SV2C: variants seen among roughly 807,000 people sequenced by gnomAD.
SV2C encodes the protein synaptic vesicle glycoprotein 2C.
Under a neutral mutation model 79.7 loss-of-function variants are expected in SV2C, and 49 were observed. The ratio of observed to expected loss-of-function variants is 0.61; its 90% CI spans 0.49 to 0.78. SV2C has a LOEUF of 0.78. SV2C is among the 30% of genes least tolerant of loss of function. The pLI is 0.00. For missense variants in SV2C, 833 were observed against 912.9 expected, an observed-to-expected ratio of 0.91 and a Z score of 1.13; for synonymous variants, 334 against 333.2, an observed-to-expected ratio of 1.00 and a Z score of -0.03.
the SV2C span, among the ~76,000 whole-genome samples, chr5:76,052,929 A>T: frequency 6.6e-6 from 1 of 151,232 alleles, no homozygotes; most frequent in South Asian, 2.1e-4. Context: ...TTATGTTAAC[A>T]TTCAAATATT....
At chr5:75,945,582 G>T in the SV2C span, among the ~76,000 whole-genome samples, 2 of 152,054 alleles carry the variant, frequency 1.3e-5, no homozygotes, top group Admixed American at 1.3e-4. Context: ...GCCTCCCAAA[G>T]TGCTGGGATT....
intron 2 of SV2C, among the ~76,000 whole-genome samples, chr5:76,189,818 C>CT (rs948198209): frequency 1.8e-4 from 27 of 151,496 alleles, no homozygotes; most frequent in Admixed American, 3.3e-4. Context: ...TTTTCTCAGT[C>CT]TTTTTTTTTG....
intron 8 of SV2C, among the ~76,000 whole-genome samples, chr5:76,294,376 G>T (rs1049087095): frequency 7.1e-6 from 1 of 141,076 alleles, no homozygotes; most frequent in Non-Finnish European, 1.5e-5. Context: ...ATATCGGCTC[G>T]CTGCAACCTC....
At chr5:75,902,438 G>A in the SV2C span, among the ~76,000 whole-genome samples, 1 of 152,208 alleles carries the variant, frequency 6.6e-6, no homozygotes, top group Non-Finnish European at 1.5e-5. Flanking sequence ...ATAGAACAAG[G>A]AGTCTGGATT....
At chr5:76,193,620 G>C (rs1453139979) in intron 2 of SV2C, among the ~76,000 whole-genome samples, 2 of 152,172 alleles carry the variant, frequency 1.3e-5, no homozygotes, top group Admixed American at 1.3e-4. Context: ...TATAGCATCA[G>C]GTTTTAACCC....
chr5:76,180,168 G>T (rs1743675899), intron 2 of SV2C, among the ~76,000 whole-genome samples: 2 of 152,084 alleles, frequency 1.3e-5, no homozygotes, highest in Admixed American at 6.5e-5. Context: ...AATATCAAAA[G>T]ATTTAATATG....
intron 4 of SV2C, among the ~76,000 whole-genome samples, chr5:76,247,231 A>T (rs953274320): frequency 6.6e-6 from 1 of 152,232 alleles, no homozygotes. Context: ...GCTACAGAGG[A>T]GAGGAAATAA....
At chr5:75,968,947 G>T in the SV2C span, among the ~76,000 whole-genome samples, 1 of 152,214 alleles carries the variant, frequency 6.6e-6, no homozygotes, top group African/African-American at 2.4e-5. Flanking sequence ...TACCCACAAA[G>T]GGAGGCCCAT....
the SV2C span, among the ~76,000 whole-genome samples, chr5:75,885,449 A>G: frequency 1.3e-5 from 2 of 152,108 alleles, no homozygotes; most frequent in African/African-American, 4.8e-5. Context: ...AAAGATTGAG[A>G]TTGCCTAAGC....
chr5:76,175,337 A>G (rs559508357), intron 2 of SV2C, among the ~76,000 whole-genome samples: 10 of 152,352 alleles, frequency 6.6e-5, no homozygotes, highest in Non-Finnish European at 1.0e-4. Flanking sequence ...AAAGCTGACC[A>G]TGACGAGATT....
At chr5:76,016,330 C>A in the SV2C span, among the ~76,000 whole-genome samples, 87 of 148,834 alleles carry the variant, frequency 5.8e-4, no homozygotes, top group South Asian at 0.01. Context: ...GACCACTGTG[C>A]CCACTGCGAC....
At chr5:76,073,060 G>A in the SV2C span, among the ~76,000 whole-genome samples, 1 of 152,188 alleles carries the variant, frequency 6.6e-6, no homozygotes, top group Admixed American at 6.5e-5. Flanking sequence ...CAATTCTGCT[G>A]ATTATTTCTT....
chr5:76,134,067 T>C (rs143073349), intron 2 of SV2C, among the ~76,000 whole-genome samples: 2,546 of 152,290 alleles, frequency 0.017, 34 homozygotes, highest in Middle Eastern at 0.058. Flanking sequence ...AAGCACAGTA[T>C]GACATACGGT....
the SV2C span, chr5:75,911,248 G>T: frequency 6.6e-7 from 1 of 1,519,430 alleles, no homozygotes. Context: ...CAAGTCCCAG[G>T]AGGAAGTTCT....
chr5:76,054,607 C>G, the SV2C span, among the ~76,000 whole-genome samples: 1 of 152,176 alleles, frequency 6.6e-6, no homozygotes. Flanking sequence ...TACATTCCCA[C>G]CAACAGTGTA....
chr5:75,919,866 A>G, the SV2C span, among the ~76,000 whole-genome samples: 1 of 152,182 alleles, frequency 6.6e-6, no homozygotes, highest in South Asian at 2.1e-4. Context: ...ACTCTCTGCC[A>G]AATTCTGTAT....
intron 4 of SV2C, among the ~76,000 whole-genome samples, chr5:76,276,638 C>CTTT (rs1188116727): frequency 1.5e-5 from 2 of 137,588 alleles, no homozygotes; most frequent in Non-Finnish European, 1.6e-5. Flanking sequence ...TTTTCTTTTT[C>CTTT]TTTTTTTTTT....
chr5:75,893,049 T>C, the SV2C span, among the ~76,000 whole-genome samples: 1 of 152,130 alleles, frequency 6.6e-6, no homozygotes, highest in Admixed American at 6.6e-5. Flanking sequence ...CAAACATGTA[T>C]AAGCATCCGC....
intron 4 of SV2C, among the ~76,000 whole-genome samples, chr5:76,281,748 T>A (rs548722856): frequency 1.3e-5 from 2 of 152,316 alleles, no homozygotes; most frequent in East Asian, 1.9e-4. Flanking sequence ...TAGCACAGCA[T>A]CTTCAAGTCT....
Sources: allele counts gnomAD v4.1 joint callset (sites outside exome capture counted in the v4.1 genomes callset), GRCh38; gene constraint gnomAD v4.1.1; transcripts MANE v1.5; gene names NCBI Gene and HGNC (gene_info 2026-07-23, HGNC 2026-07-21).